The following FXR1 variants were observed in gnomAD, a reference collection of about 807,000 sequenced individuals.
FXR1 encodes the protein FMR1 autosomal homolog 1.
In FXR1, 15 loss-of-function variants were observed where a neutral mutation model predicts 84.0. That is an observed-to-expected ratio of 0.18 (90% confidence interval 0.12 to 0.27). The LOEUF is 0.27. Among genes scored for constraint, FXR1 ranks in the 10% least tolerant of loss-of-function variants. FXR1 has a pLI of 1.00. For missense variants in FXR1, 480 were observed against 774.4 expected, an observed-to-expected ratio of 0.62 and a Z score of 4.51; for synonymous variants, 245 against 250.7, an observed-to-expected ratio of 0.98 and a Z score of 0.21.
At chr3:180,912,771 G>C in intron 1 of FXR1, 35 bp downstream of exon 1, 1 of 1,613,990 alleles carries the variant, frequency 6.2e-7, no homozygotes, top group Non-Finnish European at 8.5e-7. Flanking sequence ...CGAGTGTTCT[G>C]GGTGCTGGAG....
At chr3:180,914,722 C>T (rs1166364899) in intron 1 of FXR1, 10 of 814,088 alleles carry the variant, frequency 1.2e-5, no homozygotes, top group Non-Finnish European at 1.5e-5. Context: ...CTATACATAT[C>T]TACAATCTAC....
At position 180,979,844 on chromosome 3, in the gene FXR1, G is replaced by A. The variant is rs896757819; in HGVS notation, c.*3552G>A. The A allele has an allele frequency of 6.6e-6, 1 of 152,056 alleles. No individual in the cohort carries two copies. The highest frequency in any genetic ancestry group is 1.9e-4 in the East Asian group (1 of 5,172). 9.4% of individuals were successfully genotyped at this position (152,056 alleles called of 1,614,324 possible). ...ACAAATTTTTAAAAAGTTTATCAGT[G>A]TATCATTTCAGATTCATCTGTATCT... On this transcript the variant is annotated 3_prime_UTR_variant, in exon 17 of 17. Transcript: ENST00000357559.
intron 1 of FXR1, among the ~76,000 whole-genome samples, chr3:180,929,184 C>T (rs1474028784): frequency 2.0e-5 from 3 of 152,130 alleles, no homozygotes; most frequent in African/African-American, 4.8e-5. Flanking sequence ...GGATTACAGG[C>T]GTGAGCCACC....
At chr3:180,934,100 G>A (rs1287844963) in intron 2 of FXR1, among the ~76,000 whole-genome samples, 3 of 152,100 alleles carry the variant, frequency 2.0e-5, no homozygotes, top group African/African-American at 4.8e-5. Context: ...GACGACAAGA[G>A]CAAAACTCCA....
Position 180,953,848 on chromosome 3 carries a change from CT to C in FXR1, c.880+12del. 2.2e-6 allele frequency: 3 copies of C among 1,379,870 alleles called. No individual in the cohort carries two copies. Among genetic ancestry groups the C allele is most frequent in the Non-Finnish European group, 3.1e-6 (3 of 974,226 alleles). The allele number at this position is 1,379,870 out of a possible 1,614,324, so 85.5% of individuals were successfully genotyped here. A position where few individuals can be genotyped will look rare whatever the true frequency, so the allele number is the denominator to read the frequency against. On this transcript the variant is annotated intron_variant, in intron 9 of 16. Transcript: ENST00000357559. ...TTCCTAGGAATCTCGTTGGTAGGTACTTTTACTAAATGTTAAATAAGTTAAT... is the reference window on the plus strand; with the variant it reads ...TTCCTAGGAATCTCGTTGGTAGGTACTTTACTAAATGTTAAATAAGTTAAT...
intron 2 of FXR1, 75 bp downstream of exon 2, chr3:180,933,461 A>C: frequency 3.8e-6 from 3 of 791,412 alleles, no homozygotes; most frequent in Non-Finnish European, 6.7e-6. Context: ...GGGTGTTCCT[A>C]CTGCCAGTGG....
At chr3:180,956,551 C>T (rs561513023) in intron 9 of FXR1, among the ~76,000 whole-genome samples, 1 of 152,100 alleles carries the variant, frequency 6.6e-6, no homozygotes, top group Non-Finnish European at 1.5e-5. Context: ...CTTTGTTTTT[C>T]GAAAGACATT....
At chr3:180,935,831 C>G (rs1720459733) in intron 3 of FXR1, among the ~76,000 whole-genome samples, 1 of 152,188 alleles carries the variant, frequency 6.6e-6, no homozygotes, top group South Asian at 2.1e-4. Context: ...TCTCAGCATC[C>G]CAAAATGATG....
rs561448608 is a variant in FXR1 at position 180,947,734 on chromosome 3, T to C, written c.199-131T>C. On this transcript the variant is annotated intron_variant, in intron 3 of 16. Transcript: ENST00000357559. Reference sequence around the variant, plus strand: ...CATATCACTTTCTTTAAATTGCATTTAATATGCCAATTTAAATAAAATAGC... The same window carrying C: ...CATATCACTTTCTTTAAATTGCATTCAATATGCCAATTTAAATAAAATAGC... The C allele has an allele frequency of 2.6e-5, 12 of 465,428 alleles. No individual in the cohort carries two copies. The Admixed American group carries it at 3.3e-4, about 13-fold the overall frequency. 28.8% of individuals were successfully genotyped at this position (465,428 alleles called of 1,614,324 possible). A position where few individuals can be genotyped will look rare whatever the true frequency, so the allele number is the denominator to read the frequency against.
intron 1 of FXR1, among the ~76,000 whole-genome samples, chr3:180,914,354 T>C (rs1413147431): frequency 6.6e-6 from 1 of 152,196 alleles, no homozygotes; most frequent in Admixed American, 6.5e-5. Flanking sequence ...ATAAGTCGTT[T>C]TGCATCACCC....
At chr3:180,960,258 A>G (rs1711928627) in intron 10 of FXR1, among the ~76,000 whole-genome samples, 1 of 152,166 alleles carries the variant, frequency 6.6e-6, no homozygotes, top group Admixed American at 6.5e-5. Context: ...TTAATTTTAC[A>G]TTGTGTAAAT....
At position 180,976,464 on chromosome 3, in the gene FXR1, T is replaced by G; in HGVS notation, c.*172T>G. The G allele has an allele frequency of 2.0e-6, 1 of 497,650 alleles. No homozygotes were observed. Among genetic ancestry groups the G allele is most frequent in the Admixed American group, 3.8e-5 (1 of 26,098 alleles). The allele number at this position is 497,650 out of a possible 1,614,324, so 30.8% of individuals were successfully genotyped here. Reference sequence around the variant, plus strand: ...GAAGAAATCATATGTTAAACATACTTTGACACCTACTGTGTTATAAAATAT... The same window carrying G: ...GAAGAAATCATATGTTAAACATACTGTGACACCTACTGTGTTATAAAATAT... On this transcript the variant is annotated 3_prime_UTR_variant, in exon 17 of 17. Transcript: ENST00000357559.
intron 3 of FXR1, among the ~76,000 whole-genome samples, chr3:180,945,865 T>C (rs1279158472): frequency 2.6e-5 from 4 of 152,196 alleles, no homozygotes; most frequent in African/African-American, 7.2e-5. Context: ...TCCTTAGAAA[T>C]ACATTGTTTG....
intron 1 of FXR1, among the ~76,000 whole-genome samples, chr3:180,926,506 A>AT (rs57540765): frequency 1.6e-3 from 199 of 124,322 alleles, no homozygotes; most frequent in Non-Finnish European, 2.2e-3. Context: ...ATATATATAT[A>AT]TTTTTTTTTC....
chr3:180,942,479 T>G (rs1721246039), intron 3 of FXR1, among the ~76,000 whole-genome samples: 1 of 146,752 alleles, frequency 6.8e-6, no homozygotes, highest in Admixed American at 6.8e-5. Context: ...TACATTTAAA[T>G]CACTCACATT....
chr3:180,953,904 A>T, intron 9 of FXR1, 64 bp downstream of exon 9: 1 of 802,468 alleles, frequency 1.2e-6, no homozygotes, highest in Non-Finnish European at 2.1e-6. Context: ...ATAGCGACTT[A>T]ATTGAAAACT....
chr3:180,956,148 C>T (rs1805604), intron 9 of FXR1, among the ~76,000 whole-genome samples: 25,779 of 152,142 alleles, frequency 0.17, 2,411 homozygotes, highest in Middle Eastern at 0.24. Flanking sequence ...GAGAGGATTT[C>T]CTTACACATT....
At chr3:180,923,858 T>C (rs1718860090) in intron 1 of FXR1, among the ~76,000 whole-genome samples, 1 of 152,068 alleles carries the variant, frequency 6.6e-6, no homozygotes, top group Admixed American at 6.6e-5. Flanking sequence ...CCTGAGTGGG[T>C]TGGGATTACA....
intron 3 of FXR1, among the ~76,000 whole-genome samples, chr3:180,940,515 A>T (rs1720998471): frequency 6.6e-6 from 1 of 152,020 alleles, no homozygotes. Flanking sequence ...AGCAACACAC[A>T]TAGACACGTT....
Sources: allele counts gnomAD v4.1 joint callset (sites outside exome capture counted in the v4.1 genomes callset), GRCh38; gene constraint gnomAD v4.1.1; transcripts MANE v1.5; gene names NCBI Gene and HGNC (gene_info 2026-07-23, HGNC 2026-07-21).